The following ABCC12 variants were observed in gnomAD, a reference collection of about 807,000 sequenced individuals.
The protein encoded by ABCC12 is ATP-binding cassette sub-family C member 12.
Under a neutral mutation model 151.1 loss-of-function variants are expected in ABCC12, and 142 were observed. The observed-to-expected ratio is 0.94, with a 90% confidence interval of 0.82 to 1.08. The LOEUF (loss-of-function observed/expected upper bound fraction) is 1.08, where lower values mean the gene tolerates loss of function less well. Ranked by LOEUF, ABCC12 falls within the 50% of genes least tolerant of loss-of-function variation. The pLI is 0.00. For missense variants in ABCC12, 1,638 were observed against 1,691.1 expected, an observed-to-expected ratio of 0.97 and a Z score of 0.55; for synonymous variants, 645 against 646.4, an observed-to-expected ratio of 1.00 and a Z score of 0.03.
intron 23 of ABCC12, among the ~76,000 whole-genome samples, chr16:48,100,524 T>C (rs941560148): frequency 6.6e-6 from 1 of 152,134 alleles, no homozygotes; most frequent in Non-Finnish European, 1.5e-5. Context: ...GAAGGAAACA[T>C]GAAAAAATTA....
intron 23 of ABCC12, among the ~76,000 whole-genome samples, chr16:48,099,466 A>G (rs1170277427): frequency 6.6e-6 from 1 of 152,224 alleles, no homozygotes; most frequent in Admixed American, 6.5e-5. Flanking sequence ...TGCACCCTTT[A>G]GAACTGCATC....
At chr16:48,128,427 C>A (rs754039256) in intron 11 of ABCC12, 32 bp downstream of exon 11, 6 of 1,607,250 alleles carry the variant, frequency 3.7e-6, no homozygotes, top group Non-Finnish European at 5.1e-6. Context: ...AGGAGGAGGG[C>A]TGGAGGCCAC....
At chr16:48,087,333 C>G (rs1962660389) in intron 27 of ABCC12, 2 of 157,482 alleles carry the variant, frequency 1.3e-5, no homozygotes, top group Admixed American at 6.0e-5. Context: ...ATACAGTTAC[C>G]CTACTTCATC....
chr16:48,105,599 G>A (rs961275332), intron 20 of ABCC12, among the ~76,000 whole-genome samples: 2 of 152,192 alleles, frequency 1.3e-5, no homozygotes, highest in Admixed American at 6.5e-5. Flanking sequence ...GAAACCAGAT[G>A]GGCACTGGGC....
chr16:48,130,326 T>C (rs1964377376), intron 10 of ABCC12, among the ~76,000 whole-genome samples: 1 of 152,178 alleles, frequency 6.6e-6, no homozygotes, highest in Non-Finnish European at 1.5e-5. Flanking sequence ...TCCCATGTCT[T>C]ATATATAGGA....
chr16:48,141,580 T>C (rs1964817965), intron 4 of ABCC12, among the ~76,000 whole-genome samples: 1 of 152,190 alleles, frequency 6.6e-6, no homozygotes, highest in East Asian at 1.9e-4. Flanking sequence ...ATCTGGGTCC[T>C]TGCCAGGCCT....
At chr16:48,145,198 T>G (rs1364333831) in intron 3 of ABCC12, among the ~76,000 whole-genome samples, 4 of 152,212 alleles carry the variant, frequency 2.6e-5, no homozygotes, top group Admixed American at 6.5e-5. Context: ...AATGTGTGTG[T>G]CCTTGGCCCA....
At position 48,139,168 on chromosome 16, in the gene ABCC12, C is replaced by A; in HGVS notation, c.826G>T (p.Val276Phe). 1 of 1,587,066 alleles carries A rather than the reference C, an allele frequency of 6.3e-7. No individual in the cohort carries two copies. ...GCGCAAAAGCCTGCCGTTACCTGGA[C>A]GGGTATGAATATGACATACACTGAT... ...GISVYVIFIP[V>F]QMFMAKLNSA... The change falls in exon 7 of 31, where the codon GTC (valine) becomes TTC (phenylalanine). Residue 276 changes from valine (V) to phenylalanine (F), a missense_variant. Transcript: ENST00000311303.
At chr16:48,089,267 G>A (rs1342510433) in intron 25 of ABCC12, among the ~76,000 whole-genome samples, 1 of 152,182 alleles carries the variant, frequency 6.6e-6, no homozygotes, top group African/African-American at 2.4e-5. Context: ...TGTGGGCCTG[G>A]GAAAATGTCA....
chr16:48,141,286 C>A lies in ABCC12; in HGVS notation c.343G>T (p.Val115Leu). The A allele has an allele frequency of 6.2e-7, 1 of 1,614,240 alleles. No homozygotes were observed. Among genetic ancestry groups the A allele is most frequent in the Non-Finnish European group, 8.5e-7 (1 of 1,180,042 alleles). ...GPEKASLSHVVWKFQRTRVLM... is the reference protein window; with the variant it reads ...GPEKASLSHVLWKFQRTRVLM... ...ACGCGTGTCCTCTGGAATTTCCACA[C>A]CACGTGGCTCAGAGAGGCCTTCTCA... Residue 115 changes from valine (V) to leucine (L), a missense_variant, in exon 5 of 31, where the codon GTG (valine) becomes TTG (leucine). Coordinates refer to ENST00000311303, the MANE Select transcript of ABCC12 (RefSeq NM_001393797.1).
rs1963282393 is a variant in ABCC12, at chr16:48,100,899, T to C, written c.3011A>G (p.Tyr1004Cys). Reference sequence around the variant, plus strand: ...GGTGATGCAGCTCTCCTTCTTGCCATAGGCGTGAATGATGCCCAGGCCCTG... The same window carrying C: ...GGTGATGCAGCTCTCCTTCTTGCCACAGGCGTGAATGATGCCCAGGCCCTG... ...SMQGLGIIHA[Y>C]GKKESCITYH... is the part of the protein sequence containing the mutation. The change falls in exon 23 of 31, where the codon TAT becomes TGT. Residue 1004 changes from tyrosine to cysteine, a missense_variant. Physicochemically the swap from Tyr to Cys is radical, Grantham distance 194. Coordinates refer to ENST00000311303, the MANE Select transcript of ABCC12 (RefSeq NM_001393797.1). 3 of 1,614,170 alleles carry C rather than the reference T, an allele frequency of 1.9e-6. No individual in the cohort carries two copies. The highest frequency in any genetic ancestry group is 8.5e-7 in the Non-Finnish European group (1 of 1,180,004).
chr16:48,086,732 G>GA lies in ABCC12; in HGVS notation c.3714+8dup. On this transcript the variant is annotated intron_variant, in intron 28 of 30. Coordinates refer to ENST00000311303, the MANE Select transcript of ABCC12 (RefSeq NM_001393797.1). ...AACAAACTCCTCCTCAACAGCCCCA[G>GA]AGACCTACTGTGTCTCTCATGAATG... 1 of 1,610,716 alleles carries GA rather than the reference G, an allele frequency of 6.2e-7. No homozygotes were observed. The highest frequency in any genetic ancestry group is 8.5e-7 in the Non-Finnish European group (1 of 1,177,078).
chr16:48,117,580 C>T (rs1211869718), intron 13 of ABCC12, among the ~76,000 whole-genome samples: 5 of 152,276 alleles, frequency 3.3e-5, no homozygotes, highest in Middle Eastern at 3.4e-3. Context: ...GCAGGGTTTT[C>T]GCCAAGCAGG....
rs1962322549 is a variant in ABCC12, at chr16:48,081,036, C to T, written c.*2679G>A. ...CATGGAGGAAGGGGTGAACAAGCTT[C>T]CCCAAGTCTCTTTTATAAGAGAGCC... On this transcript the variant is annotated 3_prime_UTR_variant, in exon 31 of 31. Transcript: ENST00000311303. Among the ~76,000 whole-genome samples the T allele has an allele frequency of 6.6e-6, 1 of 152,148 alleles. No homozygotes were observed. Among genetic ancestry groups the T allele is most frequent in the Admixed American group, 6.5e-5 (1 of 15,280 alleles).
intron 2 of ABCC12, among the ~76,000 whole-genome samples, chr16:48,151,179 G>A (rs1965111807): frequency 6.6e-6 from 1 of 152,196 alleles, no homozygotes; most frequent in African/African-American, 2.4e-5. Context: ...AAGTCCTGTT[G>A]ATAACGTGTA....
intron 24 of ABCC12, among the ~76,000 whole-genome samples, chr16:48,096,182 G>A (rs1417864268): frequency 2.0e-5 from 3 of 152,172 alleles, no homozygotes; most frequent in Non-Finnish European, 4.4e-5. Flanking sequence ...AAGAAGAGAA[G>A]TCAGTAATTA....
In ABCC12 at chr16:48,092,470, T is replaced by G. The variant is rs534096271; in HGVS notation, c.3196-1261A>C. The stretch of plus-strand genomic sequence containing the variant: ...CTAACTCCCTCAGTCATTGCTGCAC[T>G]TGCTTCTGGGTGTGAGAATGCCCGG... On this transcript the variant is annotated intron_variant, in intron 24 of 30. Coordinates refer to ENST00000311303, the MANE Select transcript of ABCC12 (RefSeq NM_001393797.1). Among the ~76,000 whole-genome samples the G allele has an allele frequency of 1.2e-4, 18 of 152,340 alleles. 1 individual carries two copies. The South Asian group carries it at 3.5e-3, about 30-fold the overall frequency.
At chr16:48,141,493 T>C in intron 4 of ABCC12, 140 bp from the exon 5 acceptor site, 1 of 1,117,968 alleles carries the variant, frequency 8.9e-7, no homozygotes. Flanking sequence ...CTGGCTCAGC[T>C]TTCTGCTCTT....
At chr16:48,146,589 A>C in intron 2 of ABCC12, 115 bp from the exon 3 acceptor site, 1 of 606,030 alleles carries the variant, frequency 1.7e-6, no homozygotes, top group South Asian at 2.0e-5. Context: ...AACTGTTTTC[A>C]CCAATGAGCT....
Sources: gnomAD v4.1 joint callset for allele counts (sites outside exome capture counted in the v4.1 genomes callset) on GRCh38, gnomAD v4.1.1 for gene constraint, MANE v1.5 for transcripts, NCBI Gene and HGNC (gene_info 2026-07-23, HGNC 2026-07-21) for gene names.